The following ARMH3 variants were observed in gnomAD, a reference collection of about 807,000 sequenced individuals.
ARMH3 encodes the protein armadillo-like helical domain-containing protein 3.
In ARMH3, 60 loss-of-function variants were observed where a neutral mutation model predicts 99.1. The observed-to-expected ratio is 0.61, with a 90% CI of 0.49 to 0.75. The LOEUF is 0.75. Among genes scored for constraint, ARMH3 ranks in the 30% least tolerant of loss-of-function variants. The pLI, the probability that ARMH3 is intolerant of heterozygous loss-of-function variation, is 0.00. For missense variants in ARMH3, 679 were observed against 843.1 expected, an observed-to-expected ratio of 0.81 and a Z score of 2.41; for synonymous variants, 285 against 292.8, an observed-to-expected ratio of 0.97 and a Z score of 0.27.
At chr10:102,040,795 G>A (rs2067391559) in intron 1 of ARMH3, among the ~76,000 whole-genome samples, 1 of 152,074 alleles carries the variant, frequency 6.6e-6, no homozygotes, top group South Asian at 2.1e-4. Flanking sequence ...ACAGACTGAT[G>A]GTGAAGTTAA....
chr10:102,012,411 G>A (rs1041016076), intron 10 of ARMH3, among the ~76,000 whole-genome samples: 1 of 152,200 alleles, frequency 6.6e-6, no homozygotes, highest in African/African-American at 2.4e-5. Context: ...AGAAACATCT[G>A]TCAAACTAGG....
intron 23 of ARMH3, among the ~76,000 whole-genome samples, chr10:101,917,431 G>A (rs1005908320): frequency 6.6e-6 from 1 of 152,210 alleles, no homozygotes; most frequent in Admixed American, 6.5e-5. Flanking sequence ...TGTATCAGTA[G>A]TTCATTCCTT....
At chr10:101,916,264 G>A (rs1003959632) in intron 23 of ARMH3, among the ~76,000 whole-genome samples, 5 of 152,114 alleles carry the variant, frequency 3.3e-5, no homozygotes, top group Non-Finnish European at 7.4e-5. Context: ...TGAGGTCCAA[G>A]ATCTTAATTG....
rs144874859 is a variant in ARMH3, at chr10:101,988,060, T to A, written c.1406+2491A>T. On this transcript the variant is annotated intron_variant, in intron 19 of 25. Coordinates refer to ENST00000370033, the MANE Select transcript of ARMH3 (RefSeq NM_024541.3). ...CAAAACTATCCAGTTAAGTTTCTCC[T>A]GGATTCCTGAACCACAGAAACTGTG... Among the ~76,000 whole-genome samples, 46 of 152,352 alleles carry A rather than the reference T, an allele frequency of 3.0e-4. 1 individual carries two copies. Among genetic ancestry groups the A allele is most frequent in the African/African-American group, 1.1e-3 (45 of 41,588 alleles).
At chr10:101,939,733 A>C in intron 23 of ARMH3, 130 bp downstream of exon 23, 1 of 651,030 alleles carries the variant, frequency 1.5e-6, no homozygotes, top group Non-Finnish European at 2.5e-6. Flanking sequence ...AAGTACGACA[A>C]TTTTTCTTCC....
intron 20 of ARMH3, among the ~76,000 whole-genome samples, chr10:101,963,090 C>T (rs1042854983): frequency 6.6e-6 from 1 of 151,514 alleles, no homozygotes; most frequent in Admixed American, 6.6e-5. Flanking sequence ...CTGCCTTAGC[C>T]TCCCAAGTAG....
chr10:101,851,752 C>G (rs1589901514), intron 24 of ARMH3, among the ~76,000 whole-genome samples: 2 of 152,206 alleles, frequency 1.3e-5, no homozygotes, highest in South Asian at 4.1e-4. Context: ...GAAGGAACAG[C>G]TAGGGCAAAG....
At chr10:102,033,521 C>T (rs1267132266) in intron 2 of ARMH3, 182 bp from the exon 3 acceptor site, 17 of 603,912 alleles carry the variant, frequency 2.8e-5, no homozygotes, top group East Asian at 3.0e-5. Context: ...AGGGTTCACG[C>T]CATTCCCCCG....
Position 101,983,013 on chromosome 10 carries a change from G to A in ARMH3, c.1406+7538C>T, listed in dbSNP as rs910348732. Among the ~76,000 whole-genome samples, 6 of 152,240 alleles carry A rather than the reference G, an allele frequency of 3.9e-5. No homozygotes were observed. In the East Asian group the frequency reaches 1.2e-3, roughly 29 times the overall value. ...CTGGTTCCTGGTGCCAAAAAGGTTGGGGACCACTGTTCTAAAATATATATT... is the reference window on the plus strand; with the variant it reads ...CTGGTTCCTGGTGCCAAAAAGGTTGAGGACCACTGTTCTAAAATATATATT... On this transcript the variant is annotated intron_variant, in intron 19 of 25. Transcript: ENST00000370033.
At chr10:101,913,840 A>C (rs1842969409) in intron 23 of ARMH3, among the ~76,000 whole-genome samples, 1 of 152,232 alleles carries the variant, frequency 6.6e-6, no homozygotes, top group African/African-American at 2.4e-5. Flanking sequence ...GGTGGTAAGC[A>C]GTGGTCTGTC....
At chr10:101,972,798 A>G (rs1845829267) in intron 20 of ARMH3, among the ~76,000 whole-genome samples, 1 of 152,198 alleles carries the variant, frequency 6.6e-6, no homozygotes, top group Admixed American at 6.5e-5. Context: ...TCCAGTACAA[A>G]TGTCTAGATG....
intron 4 of ARMH3, among the ~76,000 whole-genome samples, chr10:102,030,804 C>T (rs1015629859): frequency 6.6e-6 from 1 of 151,952 alleles, no homozygotes; most frequent in East Asian, 1.9e-4. Context: ...TTGTTTGAGA[C>T]GGAGTCTCAC....
At chr10:101,975,427 C>A in intron 19 of ARMH3, 127 bp from the exon 20 acceptor site, 1 of 590,000 alleles carries the variant, frequency 1.7e-6, no homozygotes, top group Non-Finnish European at 3.0e-6. Context: ...TGTATACATG[C>A]AAAAAAATAT....
intron 23 of ARMH3, among the ~76,000 whole-genome samples, chr10:101,929,846 G>T (rs888292957): frequency 1.3e-5 from 2 of 152,160 alleles, no homozygotes; most frequent in African/African-American, 4.8e-5. Context: ...AACATAGGCT[G>T]AATATCCCTT....
At chr10:102,039,157 T>C (rs1167206880) in intron 2 of ARMH3, among the ~76,000 whole-genome samples, 2 of 152,130 alleles carry the variant, frequency 1.3e-5, no homozygotes, top group Non-Finnish European at 2.9e-5. Flanking sequence ...TGTATTTTTT[T>C]TTTTTGAGAT....
chr10:101,881,064 T>C (rs1413536891), intron 24 of ARMH3, among the ~76,000 whole-genome samples: 8 of 152,212 alleles, frequency 5.3e-5, no homozygotes, highest in Admixed American at 5.2e-4. Context: ...AAGCATGTTA[T>C]TTCCTTAATT....
intron 24 of ARMH3, 98 bp downstream of exon 24, chr10:101,889,314 C>T: frequency 8.1e-7 from 1 of 1,238,154 alleles, no homozygotes; most frequent in Non-Finnish European, 1.2e-6. Flanking sequence ...TGGTCACTAC[C>T]ACAAAAGCTC....
chr10:101,984,644 A>G (rs1214228727), intron 19 of ARMH3, among the ~76,000 whole-genome samples: 1 of 151,998 alleles, frequency 6.6e-6, no homozygotes, highest in Non-Finnish European at 1.5e-5. Flanking sequence ...CCACTCCAGC[A>G]CTGCTCCTAG....
rs1290588169 is a variant in ARMH3, at chr10:101,864,076, AAAAC to A, written c.1861-14188_1861-14185del. 8.3e-4 allele frequency among the ~76,000 whole-genome samples: 106 copies of A among 128,224 alleles called. 1 individual carries two copies. The highest frequency in any genetic ancestry group is 1.8e-3 in the African/African-American group (65 of 35,588). The allele number at this position is 128,224 out of a possible 152,430, so 84.1% of individuals were successfully genotyped here. ...ACTCCATCTCAAAAAAAAAAAAAAA[AAAAC>A]ACACACACACACACACACACACACA... On this transcript the variant is annotated intron_variant, in intron 24 of 25. Transcript: ENST00000370033.
Sources: gnomAD v4.1 joint callset for allele counts (sites outside exome capture counted in the v4.1 genomes callset) on GRCh38, gnomAD v4.1.1 for gene constraint, MANE v1.5 for transcripts, NCBI Gene and HGNC (gene_info 2026-07-23, HGNC 2026-07-21) for gene names.